RBMS3: variants seen among roughly 807,000 people sequenced by gnomAD.
The protein encoded by RBMS3 is RNA binding motif single stranded interacting protein 3.
In RBMS3, 27 loss-of-function variants were observed where a neutral mutation model predicts 66.8. The observed-to-expected ratio is 0.40, with a 90% CI of 0.30 to 0.56. RBMS3 has a LOEUF of 0.56. RBMS3 is among the 20% of genes least tolerant of loss of function. RBMS3 has a pLI of 0.40. For synonymous variants in RBMS3, 188 were observed against 183.0 expected (o/e 1.03, Z -0.22); for missense variants, 513 against 549.5 (o/e 0.93, Z 0.66).
chr3:29,672,818 C>T (rs192315608), intron 4 of RBMS3, among the ~76,000 whole-genome samples: 1 of 152,036 alleles, frequency 6.6e-6, no homozygotes, highest in Non-Finnish European at 1.5e-5. Context: ...GCTTAGACTC[C>T]CACACAATAA....
chr3:29,548,816 C>A (rs2046072122), intron 3 of RBMS3, among the ~76,000 whole-genome samples: 3 of 151,684 alleles, frequency 2.0e-5, no homozygotes. Context: ...AACTCTTAAC[C>A]CAATATTTCT....
chr3:29,334,508 AT>A (rs553535285), intron 1 of RBMS3, among the ~76,000 whole-genome samples: 28 of 151,308 alleles, frequency 1.9e-4, no homozygotes, highest in African/African-American at 1.9e-4. Flanking sequence ...TAATAGTTTA[AT>A]TTTTTTTTGC....
At chr3:29,287,372 T>G (rs1033576658) in intron 1 of RBMS3, among the ~76,000 whole-genome samples, 1 of 151,654 alleles carries the variant, frequency 6.6e-6, no homozygotes, top group African/African-American at 2.4e-5. Context: ...AAATTATAAA[T>G]TTTTTTTTAC....
At chr3:29,365,912 C>G (rs2037874578) in intron 1 of RBMS3, among the ~76,000 whole-genome samples, 1 of 152,160 alleles carries the variant, frequency 6.6e-6, no homozygotes, top group South Asian at 2.1e-4. Context: ...TGAGCTGTGG[C>G]AGGTTCTCAC....
chr3:29,500,385 GA>G (rs1392009106), intron 3 of RBMS3, among the ~76,000 whole-genome samples: 1 of 149,074 alleles, frequency 6.7e-6, no homozygotes, highest in African/African-American at 2.4e-5. Context: ...CTATTGTTTT[GA>G]ACCAAATAAG....
chr3:29,845,137 T>C (rs2058748108), intron 6 of RBMS3, among the ~76,000 whole-genome samples: 1 of 152,184 alleles, frequency 6.6e-6, no homozygotes, highest in Non-Finnish European at 1.5e-5. Context: ...ACATGGATAT[T>C]GGTAAGCACA....
At chr3:29,821,837 T>C (rs2058083203) in intron 6 of RBMS3, among the ~76,000 whole-genome samples, 1 of 152,162 alleles carries the variant, frequency 6.6e-6, no homozygotes, top group Non-Finnish European at 1.5e-5. Context: ...TTTGTTTCTT[T>C]GTGCTTGCTT....
Position 29,991,122 on chromosome 3 carries a change from C to T in RBMS3, c.1220C>T (p.Ser407Leu). Residue 407 changes from serine to leucine, a missense_variant, in exon 14 of 15, where the codon TCA becomes TTA. By Grantham distance (145) the Ser-to-Leu change is moderately radical. Transcript: ENST00000383767. ...ADTSPQTVAP[S>L]SQDTSGQQQQ... ...ACCTCTCCCCAGACAGTGGCACCTT[C>T]ATCCCAGGACACCAGTGGTCAGCAG... 6.2e-7 allele frequency: 1 copy of T among 1,614,158 alleles called. No homozygotes were observed. Among genetic ancestry groups the T allele is most frequent in the Non-Finnish European group, 8.5e-7 (1 of 1,180,022 alleles).
chr3:29,785,498 C>G (rs998000023), intron 6 of RBMS3, among the ~76,000 whole-genome samples: 2 of 151,934 alleles, frequency 1.3e-5, no homozygotes, highest in African/African-American at 4.8e-5. Context: ...GCAAAAAGAA[C>G]AAATCTGGAG....
chr3:29,465,806 A>G (rs1256165306), intron 2 of RBMS3, among the ~76,000 whole-genome samples: 1 of 152,182 alleles, frequency 6.6e-6, no homozygotes, highest in African/African-American at 2.4e-5. Flanking sequence ...TGCAAATTCT[A>G]AAGTCATTTG....
intron 4 of RBMS3, among the ~76,000 whole-genome samples, chr3:29,736,841 CAG>C (rs1336675270): frequency 6.6e-6 from 1 of 152,138 alleles, no homozygotes; most frequent in Non-Finnish European, 1.5e-5. Flanking sequence ...CCCTTTGCAA[CAG>C]AGAGTGAAGC....
chr3:29,831,257 T>C (rs1425469540), intron 6 of RBMS3, among the ~76,000 whole-genome samples: 1 of 152,196 alleles, frequency 6.6e-6, no homozygotes, highest in Non-Finnish European at 1.5e-5. Flanking sequence ...GCTCATAATA[T>C]GCCAATCGAA....
At chr3:29,676,234 T>C (rs189729385) in intron 4 of RBMS3, among the ~76,000 whole-genome samples, 7 of 152,070 alleles carry the variant, frequency 4.6e-5, no homozygotes, top group Middle Eastern at 3.4e-3. Flanking sequence ...ATGAGAACAC[T>C]TGGACACAGG....
rs558068541 is a variant in RBMS3, at chr3:29,804,780, T to A, written c.637+41791T>A. ...AGCATAAATGAAACCTCAATTTGCA[T>A]AATGCCTTAAATAAATGTCAAAATG... On this transcript the variant is annotated intron_variant, in intron 6 of 14. Coordinates refer to ENST00000383767, the MANE Select transcript of RBMS3 (RefSeq NM_001003793.3). Among the ~76,000 whole-genome samples the A allele has an allele frequency of 2.6e-5, 4 of 152,212 alleles. No homozygotes were observed. In the South Asian group the frequency reaches 6.2e-4, roughly 24 times the overall value.
rs1699727105 is a variant in RBMS3, at chr3:30,003,981, TG to T, written c.*120del. On this transcript the variant is annotated 3_prime_UTR_variant, in exon 15 of 15. Coordinates refer to ENST00000383767, the MANE Select transcript of RBMS3 (RefSeq NM_001003793.3). Reference sequence around the variant, plus strand: ...GAATGCATTTTTTTGTTGTTGTTGTTGTTTTTTTTTTAGTGTTATACCTTAC... The same window carrying T: ...GAATGCATTTTTTTGTTGTTGTTGTTTTTTTTTTTTAGTGTTATACCTTAC... The T allele has an allele frequency of 2.0e-5, 18 of 885,182 alleles. No homozygotes were observed. The highest frequency in any genetic ancestry group is 1.4e-4 in the African/African-American group (8 of 57,530). The allele number at this position is 885,182 out of a possible 1,614,324, so 54.8% of individuals were successfully genotyped here.
chr3:29,414,298 T>A (rs1167205154), intron 1 of RBMS3, among the ~76,000 whole-genome samples: 21 of 152,178 alleles, frequency 1.4e-4, no homozygotes, highest in Admixed American at 1.4e-3. Flanking sequence ...ATCTATCCCA[T>A]GAGATAGGAC....
chr3:29,476,009 C>T (rs1182619935), intron 2 of RBMS3, among the ~76,000 whole-genome samples: 1 of 152,058 alleles, frequency 6.6e-6, no homozygotes, highest in African/African-American at 2.4e-5. Context: ...AAAAGGCATC[C>T]TAGGTGTGTT....
intron 4 of RBMS3, among the ~76,000 whole-genome samples, chr3:29,654,513 AT>A (rs2050252644): frequency 7.1e-6 from 1 of 140,384 alleles, no homozygotes. Flanking sequence ...GAATACATGA[AT>A]TGGATTCGTG....
In RBMS3 at chr3:29,400,462, C is replaced by T. The variant is rs557179960; in HGVS notation, c.76-34281C>T. Reference sequence around the variant, plus strand: ...GTATAATTTAATGAGTAAAGAGTTGCGACTCAGGAGGACTAAAAGTTCTGG... The same window carrying T: ...GTATAATTTAATGAGTAAAGAGTTGTGACTCAGGAGGACTAAAAGTTCTGG... On this transcript the variant is annotated intron_variant, in intron 1 of 14. Transcript: ENST00000383767. Among the ~76,000 whole-genome samples, 6 of 151,942 alleles carry T rather than the reference C, an allele frequency of 3.9e-5. No homozygotes were observed. The East Asian group carries it at 5.8e-4, about 15-fold the overall frequency.
Sources: gnomAD v4.1 joint callset for allele counts (sites outside exome capture counted in the v4.1 genomes callset) on GRCh38, gnomAD v4.1.1 for gene constraint, MANE v1.5 for transcripts, NCBI Gene and HGNC (gene_info 2026-07-23, HGNC 2026-07-21) for gene names.